ROBO1: variants seen among roughly 807,000 people sequenced by gnomAD.
ROBO1 encodes roundabout guidance receptor 1.
A neutral mutation model predicts 195.9 loss-of-function variants in ROBO1; 149 were observed. The observed-to-expected ratio is 0.76, with a 90% confidence interval of 0.67 to 0.87. The LOEUF is 0.87. Ranked by LOEUF, ROBO1 falls within the 40% of genes least tolerant of loss-of-function variation. ROBO1 has a pLI of 0.00. For synonymous variants in ROBO1, 816 were observed against 733.2 expected (o/e 1.11, Z -1.82); for missense variants, 1,933 against 2,068.3 (o/e 0.93, Z 1.27).
chr3:79,429,953 TTGTC>T (rs1380717108), intron 2 of ROBO1, among the ~76,000 whole-genome samples: 1 of 152,040 alleles, frequency 6.6e-6, no homozygotes, highest in Non-Finnish European at 1.5e-5. Context: ...CTATTATAAA[TTGTC>T]TGAATTGTTA....
chr3:78,911,925 T>A (rs2038268636), intron 4 of ROBO1, among the ~76,000 whole-genome samples: 1 of 152,072 alleles, frequency 6.6e-6, no homozygotes. Flanking sequence ...CAGTGAGTCT[T>A]TCTTTAGTAT....
At chr3:78,624,662 T>C (rs554930869) in intron 26 of ROBO1, among the ~76,000 whole-genome samples, 2 of 152,218 alleles carry the variant, frequency 1.3e-5, no homozygotes, top group South Asian at 4.1e-4. Flanking sequence ...CTCAATGACA[T>C]GAACGAGATG....
chr3:79,241,730 T>C (rs1204425793), intron 2 of ROBO1, among the ~76,000 whole-genome samples: 1 of 149,882 alleles, frequency 6.7e-6, no homozygotes, highest in Non-Finnish European at 1.5e-5. Flanking sequence ...ATATAAATAA[T>C]TTATGTAAAT....
chr3:79,596,197 CATAAATACATGAATA>C (rs1484904864), intron 1 of ROBO1, among the ~76,000 whole-genome samples: 1 of 151,996 alleles, frequency 6.6e-6, no homozygotes, highest in African/African-American at 2.4e-5. Flanking sequence ...TTAGGAGAGT[CATAAATACATGAATA>C]ATAAATATTT....
intron 4 of ROBO1, among the ~76,000 whole-genome samples, chr3:78,782,866 TTTTCCAATATTTGGCAC>T (rs2083719464): frequency 2.0e-5 from 3 of 152,170 alleles, no homozygotes; most frequent in African/African-American, 7.2e-5. Flanking sequence ...ATCTTTATAT[TTTTCCAATATTTGGCAC>T]TGAACTAAGT....
chr3:79,554,072 C>A (rs533703819), intron 2 of ROBO1, among the ~76,000 whole-genome samples: 1 of 151,758 alleles, frequency 6.6e-6, no homozygotes, highest in Non-Finnish European at 1.5e-5. Flanking sequence ...CATTTCATAC[C>A]AACATAATTC....
chr3:79,317,249 T>A (rs1272758698), intron 2 of ROBO1, among the ~76,000 whole-genome samples: 1 of 152,140 alleles, frequency 6.6e-6, no homozygotes, highest in East Asian at 1.9e-4. Context: ...TATTTCTATT[T>A]CCAGAGTCAC....
At chr3:78,818,374 A>G (rs2030385812) in intron 4 of ROBO1, among the ~76,000 whole-genome samples, 1 of 152,134 alleles carries the variant, frequency 6.6e-6, no homozygotes, top group Non-Finnish European at 1.5e-5. Flanking sequence ...GAGCAGCATT[A>G]TTCATCCCCT....
intron 8 of ROBO1, among the ~76,000 whole-genome samples, chr3:78,705,370 C>G (rs989930239): frequency 6.6e-6 from 1 of 152,180 alleles, no homozygotes; most frequent in Admixed American, 6.5e-5. Context: ...GGGAATTCAA[C>G]TATTTTATTC....
At chr3:78,959,574 T>G (rs530809136) in intron 3 of ROBO1, among the ~76,000 whole-genome samples, 1 of 152,252 alleles carries the variant, frequency 6.6e-6, no homozygotes, top group African/African-American at 2.4e-5. Context: ...CTATAGATTG[T>G]AGATAGAAGC....
chr3:79,487,669 GC>G (rs1356939205), intron 2 of ROBO1, among the ~76,000 whole-genome samples: 1 of 152,064 alleles, frequency 6.6e-6, no homozygotes, highest in Admixed American at 6.5e-5. Flanking sequence ...TTAACTCTTA[GC>G]TTTCACCTCA....
intron 27 of ROBO1, among the ~76,000 whole-genome samples, chr3:78,617,295 TTGAC>T (rs561732460): frequency 8.2e-4 from 125 of 152,270 alleles, no homozygotes; most frequent in African/African-American, 2.7e-3. Context: ...CTTCATCTAA[TTGAC>T]TGTATGTATA....
intron 4 of ROBO1, among the ~76,000 whole-genome samples, chr3:78,913,522 T>A (rs546797672): frequency 8.5e-5 from 13 of 152,276 alleles, no homozygotes; most frequent in Non-Finnish European, 1.6e-4. Context: ...TTCCATTGAT[T>A]CATTTTGGAT....
intron 3 of ROBO1, among the ~76,000 whole-genome samples, chr3:78,939,628 GA>G (rs994840939): frequency 7.3e-6 from 1 of 137,342 alleles, no homozygotes; most frequent in African/African-American, 3.1e-5. Context: ...AAAAAAAAAA[GA>G]AAAAAGAAAA....
At chr3:79,429,526 C>T (rs959086309) in intron 2 of ROBO1, among the ~76,000 whole-genome samples, 2 of 152,066 alleles carry the variant, frequency 1.3e-5, no homozygotes, top group African/African-American at 4.8e-5. Flanking sequence ...TAACAGGAAT[C>T]AGTTCAGTGG....
chr3:79,474,225 T>C (rs1386273261), intron 2 of ROBO1, among the ~76,000 whole-genome samples: 1 of 152,122 alleles, frequency 6.6e-6, no homozygotes, highest in Non-Finnish European at 1.5e-5. Context: ...TCCAAAGTGT[T>C]AGTGAGTCGC....
At chr3:79,607,532 T>C (rs967022002) in intron 1 of ROBO1, among the ~76,000 whole-genome samples, 2 of 151,580 alleles carry the variant, frequency 1.3e-5, no homozygotes, top group African/African-American at 2.4e-5. Flanking sequence ...ATTTTTGATA[T>C]TCTTAAAATT....
intron 3 of ROBO1, among the ~76,000 whole-genome samples, chr3:78,999,092 G>A (rs1430223458): frequency 4.6e-5 from 7 of 151,970 alleles, no homozygotes; most frequent in African/African-American, 1.7e-4. Context: ...GTGGAGAAAA[G>A]GGAACACTTA....
At chr3:79,085,241 G>T (rs1275548077) in intron 3 of ROBO1, among the ~76,000 whole-genome samples, 1 of 152,028 alleles carries the variant, frequency 6.6e-6, no homozygotes, top group Non-Finnish European at 1.5e-5. Context: ...ATAATTTGAG[G>T]GCTTAGAATT....
Sources: allele counts gnomAD v4.1 joint callset (sites outside exome capture counted in the v4.1 genomes callset), GRCh38; gene constraint gnomAD v4.1.1; transcripts MANE v1.5; gene names NCBI Gene and HGNC (gene_info 2026-07-23, HGNC 2026-07-21).